COL4A1: variants seen among roughly 807,000 people sequenced by gnomAD.
COL4A1 encodes collagen alpha-1(IV) chain.
A neutral mutation model predicts 216.6 loss-of-function variants in COL4A1; 40 were observed. The ratio of observed to expected loss-of-function variants is 0.18; its 90% CI spans 0.14 to 0.24. The LOEUF is 0.24. COL4A1 is among the 10% of genes least tolerant of loss of function. The pLI is 1.00. For missense variants in COL4A1, 1,628 were observed against 2,196.8 expected, an observed-to-expected ratio of 0.74 and a Z score of 5.18; for synonymous variants, 839 against 810.7, an observed-to-expected ratio of 1.03 and a Z score of -0.59.
At chr13:110,287,767 T>C (rs1357266776) in intron 1 of COL4A1, among the ~76,000 whole-genome samples, 1 of 152,196 alleles carries the variant, frequency 6.6e-6, no homozygotes, top group Non-Finnish European at 1.5e-5. Context: ...AGCCCAACAC[T>C]GGTGTTTCCA....
At chr13:110,209,599 G>A (rs1448387054) in intron 10 of COL4A1, among the ~76,000 whole-genome samples, 172 bp from the exon 11 acceptor site, 3 of 152,174 alleles carry the variant, frequency 2.0e-5, no homozygotes, top group Non-Finnish European at 4.4e-5. Context: ...AGGACCCTCA[G>A]GTGTGACCAT....
chr13:110,201,100 GAC>G (rs1470106683), intron 19 of COL4A1, among the ~76,000 whole-genome samples: 2 of 152,072 alleles, frequency 1.3e-5, no homozygotes, highest in Non-Finnish European at 2.9e-5. Context: ...AGCCTGTTGT[GAC>G]AGTGAAATAG....
At chr13:110,296,256 C>T (rs1229457832) in intron 1 of COL4A1, among the ~76,000 whole-genome samples, 1 of 152,192 alleles carries the variant, frequency 6.6e-6, no homozygotes, top group African/African-American at 2.4e-5. Flanking sequence ...AATTGTTATA[C>T]CTCAAAGCCA....
At chr13:110,301,188 G>T (rs1884476362) in intron 1 of COL4A1, among the ~76,000 whole-genome samples, 1 of 152,240 alleles carries the variant, frequency 6.6e-6, no homozygotes, top group Non-Finnish European at 1.5e-5. Flanking sequence ...TAATACCACA[G>T]GGGTGGACAG....
At chr13:110,167,370 C>T (rs1877393363) in intron 43 of COL4A1, 140 bp from the exon 44 acceptor site, 8 of 752,836 alleles carry the variant, frequency 1.1e-5, no homozygotes, top group Non-Finnish European at 1.9e-5. Flanking sequence ...CTTGTGGTTT[C>T]TTAAATGACA....
At chr13:110,285,852 C>T (rs1219725378) in intron 1 of COL4A1, among the ~76,000 whole-genome samples, 2 of 152,262 alleles carry the variant, frequency 1.3e-5, no homozygotes, top group Non-Finnish European at 2.9e-5. Flanking sequence ...TGAGTCAAGA[C>T]CTTATAATAA....
intron 47 of COL4A1, 146 bp downstream of exon 47, chr13:110,163,317 C>G: frequency 4.0e-6 from 3 of 741,170 alleles, no homozygotes; most frequent in Non-Finnish European, 4.9e-6. Context: ...CTATTTGATT[C>G]TATTTCTTCT....
At chr13:110,199,521 C>T (rs539592094) in intron 20 of COL4A1, among the ~76,000 whole-genome samples, 1 of 152,236 alleles carries the variant, frequency 6.6e-6, no homozygotes, top group African/African-American at 2.4e-5. Context: ...ACTGTGTGCC[C>T]TTCCTGAGTG....
intron 1 of COL4A1, among the ~76,000 whole-genome samples, chr13:110,276,572 A>G (rs1883439458): frequency 6.6e-6 from 1 of 152,176 alleles, no homozygotes; most frequent in Non-Finnish European, 1.5e-5. Flanking sequence ...CAAATATTAC[A>G]GGCAATAATT....
chr13:110,162,019 C>A, intron 48 of COL4A1: 1 of 634,746 alleles, frequency 1.6e-6, no homozygotes, highest in Non-Finnish European at 2.8e-6. Flanking sequence ...CTTGGCTTGC[C>A]ATTAGTAATA....
chr13:110,275,410 C>T (rs961698631), intron 1 of COL4A1, among the ~76,000 whole-genome samples: 1 of 152,120 alleles, frequency 6.6e-6, no homozygotes, highest in Non-Finnish European at 1.5e-5. Flanking sequence ...ATACTAAGTG[C>T]CGGTGAGGGT....
At chr13:110,261,119 T>C (rs2139277331) in intron 1 of COL4A1, among the ~76,000 whole-genome samples, 1 of 151,918 alleles carries the variant, frequency 6.6e-6, no homozygotes, top group East Asian at 1.9e-4. Context: ...GAAAAAGATT[T>C]GTTCACCAAT....
At chr13:110,195,461 C>T (rs1241490903) in intron 21 of COL4A1, among the ~76,000 whole-genome samples, 1 of 152,176 alleles carries the variant, frequency 6.6e-6, no homozygotes, top group African/African-American at 2.4e-5. Context: ...GAAACTGAGG[C>T]TCAAGAAAGG....
At chr13:110,302,614 G>A (rs555037264) in intron 1 of COL4A1, among the ~76,000 whole-genome samples, 1 of 152,170 alleles carries the variant, frequency 6.6e-6, no homozygotes, top group African/African-American at 2.4e-5. Context: ...GGAGGGAAAC[G>A]AGGCTGGAAC....
At position 110,242,669 on chromosome 13, in the gene COL4A1, A is replaced by C. The variant is rs1470875848; in HGVS notation, c.144+6T>G. 2 of 1,614,012 alleles carry C rather than the reference A, an allele frequency of 1.2e-6. No homozygotes were observed. ...AAATGTTGTGATTTAAATTTCGGCA[A>C]CTCACCTTTTGTCCCTTCACTCCAT... On this transcript the variant is annotated splice_donor_region_variant and intron_variant, in intron 2 of 51. Transcript: ENST00000375820.
chr13:110,225,036 T>C (rs1880674015), intron 2 of COL4A1, among the ~76,000 whole-genome samples: 1 of 152,230 alleles, frequency 6.6e-6, no homozygotes, highest in South Asian at 2.1e-4. Context: ...TTTCTTTTTT[T>C]TTTCCTTAAA....
intron 42 of COL4A1, 96 bp downstream of exon 42, chr13:110,170,451 A>C: frequency 7.4e-7 from 1 of 1,344,000 alleles, no homozygotes. Context: ...CTAAATAAAA[A>C]AGCCCAATTG....
chr13:110,187,414 CAAG>C, intron 24 of COL4A1, 85 bp from the exon 25 acceptor site: 1 of 1,494,680 alleles, frequency 6.7e-7, no homozygotes. Context: ...ACCATAGAAT[CAAG>C]AAGCCACCTT....
At chr13:110,160,419 C>T (rs1281282348) in intron 49 of COL4A1, among the ~76,000 whole-genome samples, 6 of 84,688 alleles carry the variant, frequency 7.1e-5, no homozygotes, top group African/African-American at 1.0e-4. Flanking sequence ...GTCCGCAGTC[C>T]GGCCTGGGTG....
Sources: allele counts gnomAD v4.1 joint callset (sites outside exome capture counted in the v4.1 genomes callset), GRCh38; gene constraint gnomAD v4.1.1; transcripts MANE v1.5; gene names NCBI Gene and HGNC (gene_info 2026-07-23, HGNC 2026-07-21).